The following MVB12B variants were observed in gnomAD, a reference collection of about 807,000 sequenced individuals.
The protein encoded by MVB12B is multivesicular body subunit 12B, also known as ESCRT-I complex subunit MVB12B.
In MVB12B, 16 loss-of-function variants were observed where a neutral mutation model predicts 41.6. That is an observed-to-expected ratio of 0.38 (90% CI 0.26 to 0.58). The LOEUF is 0.58. Among genes scored for constraint, MVB12B ranks in the 20% least tolerant of loss-of-function variants. MVB12B has a pLI of 0.62. For missense variants in MVB12B, 274 were observed against 380.2 expected (o/e 0.72, Z 2.32); for synonymous variants, 133 against 139.7 (o/e 0.95, Z 0.34).
intron 2 of MVB12B, among the ~76,000 whole-genome samples, chr9:126,375,965 T>G (rs1015541488): frequency 6.6e-5 from 10 of 152,172 alleles, no homozygotes; most frequent in African/African-American, 2.2e-4. Flanking sequence ...CGTTTTGGGG[T>G]GGGTCTTTTT....
At chr9:126,362,389 C>T (rs1386943961) in intron 2 of MVB12B, among the ~76,000 whole-genome samples, 1 of 151,982 alleles carries the variant, frequency 6.6e-6, no homozygotes, top group Non-Finnish European at 1.5e-5. Context: ...AATAGATAAA[C>T]TTCTGGCAAA....
chr9:126,376,245 T>C lies in MVB12B; in HGVS notation c.205-4819T>C, dbSNP rs1830477372. 6.6e-6 allele frequency among the ~76,000 whole-genome samples: 1 copy of C among 152,208 alleles called. No homozygotes were observed. The highest frequency in any genetic ancestry group is 2.4e-5 in the African/African-American group (1 of 41,442). On this transcript the variant is annotated intron_variant, in intron 2 of 9. Coordinates refer to ENST00000361171, the MANE Select transcript of MVB12B (RefSeq NM_033446.3). The surrounding 1 kb of genome is among the most constrained non-coding windows in gnomAD (Gnocchi z 4.1). The stretch of plus-strand genomic sequence containing the variant: ...TTAAAAACGTTTTCATAATACTCTG[T>C]TCTTGTTTGGTATTTGCAGTCTATT...
At chr9:126,388,428 A>G (rs1475888456) in intron 4 of MVB12B, among the ~76,000 whole-genome samples, 1 of 152,206 alleles carries the variant, frequency 6.6e-6, no homozygotes, top group Admixed American at 6.5e-5. Flanking sequence ...CATTTTGGTT[A>G]TCCATTCAAC....
rs1037204044 is a variant in MVB12B at position 126,395,280 on chromosome 9, A to T, written c.540-295A>T. 6.6e-6 allele frequency among the ~76,000 whole-genome samples: 1 copy of T among 152,250 alleles called. No homozygotes were observed. Among genetic ancestry groups the T allele is most frequent in the Non-Finnish European group, 1.5e-5 (1 of 68,050 alleles). ...ACACTCCACAAGGAAATGGCAAAAC[A>T]AAAAGAAGTTTGGAGAAGCAAGGAA... On this transcript the variant is annotated intron_variant, in intron 5 of 9. Coordinates refer to ENST00000361171, the MANE Select transcript of MVB12B (RefSeq NM_033446.3). The surrounding 1 kb of genome is among the most constrained non-coding windows in gnomAD (Gnocchi z 4.9).
intron 2 of MVB12B, among the ~76,000 whole-genome samples, chr9:126,344,515 C>A (rs965106306): frequency 6.6e-6 from 1 of 152,232 alleles, no homozygotes; most frequent in African/African-American, 2.4e-5. Context: ...CCACATGGCG[C>A]CTTTTTTGTT....
intron 2 of MVB12B, among the ~76,000 whole-genome samples, chr9:126,377,977 C>G (rs1482022004): frequency 1.3e-5 from 2 of 152,242 alleles, no homozygotes; most frequent in African/African-American, 4.8e-5. Context: ...CTCCTGTGCC[C>G]CGGCAGTGAT....
rs549039105 is a variant in MVB12B at position 126,486,819 on chromosome 9, C to T, written c.873+2787C>T. On this transcript the variant is annotated intron_variant, in intron 9 of 9. Transcript: ENST00000361171. This position sits in a 1 kb window ranked among gnomAD's most constrained non-coding sequence, Gnocchi z 4.7. ...GTGCTCCAAGTCCTCCCCACTGTGA[C>T]GGAAAGTGGCAGCTCTGTGTCCTTC... 2.0e-5 allele frequency among the ~76,000 whole-genome samples: 3 copies of T among 152,252 alleles called. No individual in the cohort carries two copies. Among genetic ancestry groups the T allele is most frequent in the Admixed American group, 6.5e-5 (1 of 15,302 alleles).
chr9:126,357,496 A>G (rs926297745), intron 2 of MVB12B, among the ~76,000 whole-genome samples: 1 of 152,162 alleles, frequency 6.6e-6, no homozygotes, highest in Admixed American at 6.5e-5. Flanking sequence ...GTTCTTCCAC[A>G]TCCTTGCCAA....
chr9:126,453,464 C>A (rs1418252123), intron 7 of MVB12B, among the ~76,000 whole-genome samples: 2 of 152,148 alleles, frequency 1.3e-5, no homozygotes, highest in Non-Finnish European at 2.9e-5. Flanking sequence ...GTTTTCATAC[C>A]TGAGGTTGGA....
intron 7 of MVB12B, among the ~76,000 whole-genome samples, chr9:126,428,066 G>A (rs549344655): frequency 6.6e-6 from 1 of 152,144 alleles, no homozygotes; most frequent in African/African-American, 2.4e-5. Context: ...TTGACACCAG[G>A]AAAGATGTCG....
intron 2 of MVB12B, among the ~76,000 whole-genome samples, chr9:126,357,185 T>C (rs904064246): frequency 1.3e-5 from 2 of 152,266 alleles, no homozygotes; most frequent in African/African-American, 4.8e-5. Flanking sequence ...ATTCATATTG[T>C]TGAGTGTGTC....
At chr9:126,404,001 T>G (rs1197948556) in intron 6 of MVB12B, among the ~76,000 whole-genome samples, 1 of 143,680 alleles carries the variant, frequency 7.0e-6, no homozygotes, top group Non-Finnish European at 1.5e-5. Flanking sequence ...TCGCCCAGGC[T>G]GGAGTGCAGT....
chr9:126,391,917 G>C lies in MVB12B; in HGVS notation c.410-149G>C. On this transcript the variant is annotated intron_variant, in intron 4 of 9. Transcript: ENST00000361171. The surrounding 1 kb of genome is among the most constrained non-coding windows in gnomAD (Gnocchi z 4.4). ...GTGACTGCAGCCCCGGGGAAGGCAGGCGGCAGAGCGCAGCCCTTCTGTCCA... is the reference window on the plus strand; with the variant it reads ...GTGACTGCAGCCCCGGGGAAGGCAGCCGGCAGAGCGCAGCCCTTCTGTCCA... The C allele has an allele frequency of 1.1e-6, 1 of 902,342 alleles. No individual in the cohort carries two copies. Among genetic ancestry groups the C allele is most frequent in the Non-Finnish European group, 1.7e-6 (1 of 577,320 alleles). The allele number at this position is 902,342 out of a possible 1,614,324, so 55.9% of individuals were successfully genotyped here.
chr9:126,379,101 A>G (rs370465368), intron 2 of MVB12B, among the ~76,000 whole-genome samples: 119 of 152,330 alleles, frequency 7.8e-4, no homozygotes, highest in African/African-American at 2.8e-3. Flanking sequence ...AGCGTCCTGC[A>G]GACAGTTTCT....
intron 7 of MVB12B, among the ~76,000 whole-genome samples, chr9:126,463,525 T>G (rs546099161): frequency 6.6e-6 from 1 of 152,304 alleles, no homozygotes; most frequent in East Asian, 1.9e-4. Flanking sequence ...GGGTTTAGAT[T>G]GCTGCCGACA....
chr9:126,379,119 A>G (rs376171130), intron 2 of MVB12B, among the ~76,000 whole-genome samples: 23 of 152,304 alleles, frequency 1.5e-4, no homozygotes, highest in African/African-American at 5.5e-4. Flanking sequence ...TCTGTTTTTG[A>G]AAGTTTTTCA....
At chr9:126,341,702 G>A (rs1257908919) in intron 2 of MVB12B, among the ~76,000 whole-genome samples, 2 of 152,216 alleles carry the variant, frequency 1.3e-5, no homozygotes, top group Non-Finnish European at 2.9e-5. Context: ...ATCGTATGAT[G>A]TTTAGCAGCA....
chr9:126,404,966 C>T (rs1831377971), intron 6 of MVB12B, among the ~76,000 whole-genome samples: 1 of 152,152 alleles, frequency 6.6e-6, no homozygotes, highest in Non-Finnish European at 1.5e-5. Flanking sequence ...CATTAGAATG[C>T]AGTTCGGTAT....
rs950828654 is a variant in MVB12B, at chr9:126,395,962, T to C, written c.662+265T>C. The C allele has an allele frequency of 1.6e-6, 2 of 1,275,508 alleles. No individual in the cohort carries two copies. Among genetic ancestry groups the C allele is most frequent in the African/African-American group, 1.5e-5 (1 of 66,330 alleles). 79.0% of individuals were successfully genotyped at this position (1,275,508 alleles called of 1,614,324 possible). A position where few individuals can be genotyped will look rare whatever the true frequency, so the allele number is the denominator to read the frequency against. On this transcript the variant is annotated intron_variant, in intron 6 of 9. Transcript: ENST00000361171. The surrounding 1 kb of genome is among the most constrained non-coding windows in gnomAD (Gnocchi z 4.9). ...ATTATGCAACTTAAAATTGGCTCCC[T>C]ATTCAAAAGAGCTGCTAGCTACACA...
Sources: allele counts gnomAD v4.1 joint callset (sites outside exome capture counted in the v4.1 genomes callset), GRCh38; gene constraint gnomAD v4.1.1; non-coding constraint Gnocchi (gnomAD v3.1); transcripts MANE v1.5; gene names NCBI Gene and HGNC (gene_info 2026-07-23, HGNC 2026-07-21).